CORIN: variants seen among roughly 807,000 people sequenced by gnomAD.
The protein encoded by CORIN is corin, serine peptidase.
In CORIN, 117 loss-of-function variants were observed where a neutral mutation model predicts 125.3. That is an observed-to-expected ratio of 0.93 (90% CI 0.80 to 1.09). CORIN has a LOEUF of 1.09. Among genes scored for constraint, CORIN ranks in the 50% least tolerant of loss-of-function variants. CORIN has a pLI of 0.00. For synonymous variants in CORIN, 450 were observed against 466.4 expected, an observed-to-expected ratio of 0.96 and a Z score of 0.45; for missense variants, 1,253 against 1,306.7, an observed-to-expected ratio of 0.96 and a Z score of 0.63.
intron 4 of CORIN, among the ~76,000 whole-genome samples, chr4:47,751,316 A>T (rs555400741): frequency 6.6e-6 from 1 of 152,316 alleles, no homozygotes; most frequent in East Asian, 1.9e-4. Context: ...CATATACATT[A>T]TGTTTTTGGT....
intron 1 of CORIN, among the ~76,000 whole-genome samples, chr4:47,818,971 A>G (rs1732390838): frequency 6.6e-6 from 1 of 152,192 alleles, no homozygotes; most frequent in Non-Finnish European, 1.5e-5. Context: ...AAATCAACAT[A>G]AAATTATCCA....
intron 12 of CORIN, among the ~76,000 whole-genome samples, chr4:47,655,063 TC>T (rs1723910840): frequency 1.3e-5 from 2 of 152,078 alleles, no homozygotes; most frequent in Non-Finnish European, 2.9e-5. Context: ...TCTAGACATA[TC>T]TTCAACCAAA....
At chr4:47,771,289 C>T (rs1730016562) in intron 3 of CORIN, among the ~76,000 whole-genome samples, 1 of 151,950 alleles carries the variant, frequency 6.6e-6, no homozygotes, top group Admixed American at 6.6e-5. Flanking sequence ...AGATAATTCA[C>T]CTAAGAAGAA....
intron 5 of CORIN, among the ~76,000 whole-genome samples, chr4:47,728,577 A>G (rs1038092377): frequency 6.6e-6 from 1 of 152,218 alleles, no homozygotes; most frequent in Non-Finnish European, 1.5e-5. Flanking sequence ...ATCAGAACTG[A>G]TTATTGACCA....
At chr4:47,833,883 G>A (rs1577963916) in intron 1 of CORIN, among the ~76,000 whole-genome samples, 1 of 152,226 alleles carries the variant, frequency 6.6e-6, no homozygotes, top group Non-Finnish European at 1.5e-5. Context: ...CTGTTAATGT[G>A]ATCAAAAAAC....
intron 2 of CORIN, among the ~76,000 whole-genome samples, chr4:47,789,864 CA>C (rs894735530): frequency 2.0e-5 from 3 of 151,466 alleles, no homozygotes; most frequent in African/African-American, 2.4e-5. Flanking sequence ...ACTAAAAATA[CA>C]AAAAAAATTA....
intron 1 of CORIN, among the ~76,000 whole-genome samples, chr4:47,824,475 A>G (rs1732655648): frequency 2.0e-5 from 3 of 152,130 alleles, no homozygotes; most frequent in South Asian, 2.1e-4. Flanking sequence ...CCTTAGGAAA[A>G]GCTTTTCTTT....
At chr4:47,612,944 A>G (rs749977764) in intron 19 of CORIN, among the ~76,000 whole-genome samples, 6 of 152,234 alleles carry the variant, frequency 3.9e-5, no homozygotes, top group Non-Finnish European at 7.3e-5. Context: ...ATGCAAGAGA[A>G]GGGTTTAGTC....
chr4:47,608,970 C>G (rs970632539), intron 19 of CORIN, among the ~76,000 whole-genome samples: 3 of 151,954 alleles, frequency 2.0e-5, no homozygotes, highest in African/African-American at 4.8e-5. Context: ...CTCTCACCCT[C>G]TCTGACTTTG....
intron 15 of CORIN, 28 bp downstream of exon 15, chr4:47,643,118 C>A: frequency 1.2e-6 from 2 of 1,613,910 alleles, no homozygotes; most frequent in African/African-American, 1.3e-5. Context: ...TGAGAGAGTA[C>A]AACAGATGGC....
intron 13 of CORIN, 79 bp downstream of exon 13, chr4:47,653,474 T>C: frequency 8.8e-7 from 1 of 1,135,130 alleles, no homozygotes; most frequent in Admixed American, 1.8e-5. Context: ...CAGTGAATAG[T>C]TTCCATTTTT....
chr4:47,645,241 A>ACG, intron 13 of CORIN, 47 bp from the exon 14 acceptor site: 1 of 1,137,904 alleles, frequency 8.8e-7, no homozygotes, highest in Non-Finnish European at 1.3e-6. Context: ...GGAATTGAAA[A>ACG]TAATGATAAA....
chr4:47,790,143 T>TCCACAGCCAGCCCACCCGAG, intron 2 of CORIN: 1 of 876,532 alleles, frequency 1.1e-6, no homozygotes, highest in African/African-American at 1.8e-5. Context: ...AAGTACAGGT[T>TCCACAGCCAGCCCACCCGAG]TAAATCCCAT....
intron 5 of CORIN, among the ~76,000 whole-genome samples, chr4:47,708,713 C>G (rs1726696967): frequency 6.6e-6 from 1 of 152,164 alleles, no homozygotes; most frequent in Non-Finnish European, 1.5e-5. Context: ...TTCTTCCCTC[C>G]TATTGCCTTT....
At chr4:47,802,298 A>G (rs776984566) in intron 2 of CORIN, among the ~76,000 whole-genome samples, 3 of 152,156 alleles carry the variant, frequency 2.0e-5, no homozygotes, top group African/African-American at 7.2e-5. Flanking sequence ...TAGGGCACCA[A>G]CCAGGCTCTT....
intron 5 of CORIN, among the ~76,000 whole-genome samples, chr4:47,729,052 A>C (rs1297768149): frequency 6.6e-6 from 1 of 152,240 alleles, no homozygotes; most frequent in Non-Finnish European, 1.5e-5. Context: ...GGTAGTATTT[A>C]GGCTCAACAA....
intron 19 of CORIN, among the ~76,000 whole-genome samples, chr4:47,616,409 G>A (rs1722068956): frequency 6.6e-6 from 1 of 152,030 alleles, no homozygotes; most frequent in African/African-American, 2.4e-5. Flanking sequence ...AGAAAGCCAA[G>A]AATTTGGTCC....
intron 19 of CORIN, among the ~76,000 whole-genome samples, chr4:47,621,674 TAATTTTATGTATC>T: frequency 6.6e-6 from 1 of 152,256 alleles, no homozygotes; most frequent in Non-Finnish European, 1.5e-5. Context: ...TTGTGGTGGT[TAATTTTATGTATC>T]AATTTGGCTG....
Position 47,786,918 on chromosome 4 carries a change from T to C in CORIN, c.216A>G (p.Leu72=). 6.2e-7 allele frequency: 1 copy of C among 1,609,528 alleles called. No homozygotes were observed. Among genetic ancestry groups the C allele is most frequent in the Non-Finnish European group, 8.5e-7 (1 of 1,176,394 alleles). ...CATTTGATTTAAAATAGACCTTTTGTAATGTTCCTGAAAGACAAAAACAAA... is the reference window on the plus strand; with the variant it reads ...CATTTGATTTAAAATAGACCTTTTGCAATGTTCCTGAAAGACAAAAACAAA... ...LVILLSYVGT[L]QKVYFKSNGS... is the part of the protein sequence containing the mutation. Residue 72 remains leucine (L), a synonymous_variant, in exon 3 of 22, where the codon TTA becomes TTG. Transcript: ENST00000273857.
Sources: gnomAD v4.1 joint callset for allele counts (sites outside exome capture counted in the v4.1 genomes callset) on GRCh38, gnomAD v4.1.1 for gene constraint, MANE v1.5 for transcripts, NCBI Gene and HGNC (gene_info 2026-07-23, HGNC 2026-07-21) for gene names.